TBC1D19: variants seen among roughly 807,000 people sequenced by gnomAD.
The protein encoded by TBC1D19 is TBC1 domain family, member 19.
A neutral mutation model predicts 89.0 loss-of-function variants in TBC1D19; 60 were observed. The observed-to-expected ratio is 0.67, with a 90% CI of 0.55 to 0.84. TBC1D19 has a LOEUF of 0.84. Among genes scored for constraint, TBC1D19 ranks in the 40% least tolerant of loss-of-function variants. TBC1D19 has a pLI of 0.00. For missense variants in TBC1D19, 500 were observed against 610.8 expected (o/e 0.82, Z 1.91); for synonymous variants, 189 against 199.7 (o/e 0.95, Z 0.45).
intron 13 of TBC1D19, among the ~76,000 whole-genome samples, chr4:26,716,911 G>A (rs1179179174): frequency 6.6e-6 from 1 of 151,978 alleles, no homozygotes; most frequent in Non-Finnish European, 1.5e-5. Flanking sequence ...CTCCCAAAGT[G>A]CTGGGATCAT....
chr4:26,809,262 C>G, the TBC1D19 span, among the ~76,000 whole-genome samples: 264 of 152,310 alleles, frequency 1.7e-3, no homozygotes, highest in African/African-American at 6.0e-3. Flanking sequence ...CCTGCAGACG[C>G]TTCTCTCAGG....
chr4:26,724,203 G>T (rs1717153364), intron 15 of TBC1D19, among the ~76,000 whole-genome samples: 1 of 152,216 alleles, frequency 6.6e-6, no homozygotes, highest in South Asian at 2.1e-4. Context: ...GTTAGAAAAG[G>T]TAGATGGAGC....
At chr4:26,680,768 C>A (rs1243837130) in intron 11 of TBC1D19, among the ~76,000 whole-genome samples, 1 of 152,154 alleles carries the variant, frequency 6.6e-6, no homozygotes, top group Non-Finnish European at 1.5e-5. Flanking sequence ...TTGAAATATT[C>A]TTGGTCTTAA....
intron 1 of TBC1D19, among the ~76,000 whole-genome samples, chr4:26,601,497 A>G (rs1278609679): frequency 6.6e-6 from 1 of 152,196 alleles, no homozygotes; most frequent in African/African-American, 2.4e-5. Context: ...ATGGCTAGAG[A>G]TTGGGGAAGT....
At chr4:26,803,868 A>G in the TBC1D19 span, among the ~76,000 whole-genome samples, 2 of 150,280 alleles carry the variant, frequency 1.3e-5, no homozygotes, top group Non-Finnish European at 3.0e-5. Context: ...CCTTCTGAAC[A>G]AGAATCTTTA....
chr4:26,627,167 A>G (rs1418792632), intron 4 of TBC1D19, among the ~76,000 whole-genome samples: 1 of 151,414 alleles, frequency 6.6e-6, no homozygotes, highest in African/African-American at 2.4e-5. Flanking sequence ...GCGATAGTTT[A>G]CTGAGAATGA....
intron 3 of TBC1D19, 95 bp from the exon 4 acceptor site, chr4:26,620,518 A>G (rs1741975107): frequency 1.0e-6 from 1 of 982,390 alleles, no homozygotes; most frequent in Admixed American, 2.3e-5. Context: ...ATGAAATGTT[A>G]CTGGGAAAAC....
At chr4:26,788,164 C>A in the TBC1D19 span, among the ~76,000 whole-genome samples, 24 of 152,154 alleles carry the variant, frequency 1.6e-4, no homozygotes, top group South Asian at 3.9e-3. Flanking sequence ...CTATGGGATC[C>A]CAGGGGCCCT....
the TBC1D19 span, among the ~76,000 whole-genome samples, chr4:26,815,685 G>A: frequency 4.6e-5 from 7 of 152,308 alleles, no homozygotes; most frequent in East Asian, 1.2e-3. Context: ...GACAGGACTC[G>A]TCAGTGCCTT....
chr4:26,847,964 G>C, the TBC1D19 span, among the ~76,000 whole-genome samples: 3 of 152,204 alleles, frequency 2.0e-5, no homozygotes, highest in African/African-American at 7.2e-5. Context: ...ATGTGAATTT[G>C]AGATGCTAAT....
chr4:26,851,698 C>CTGTGAGAA, the TBC1D19 span, among the ~76,000 whole-genome samples: 1 of 152,132 alleles, frequency 6.6e-6, no homozygotes, highest in East Asian at 1.9e-4. Flanking sequence ...GTGTACCTTG[C>CTGTGAGAA]TGTGAGAAGT....
intron 13 of TBC1D19, among the ~76,000 whole-genome samples, chr4:26,716,927 T>C (rs1223369657): frequency 6.6e-6 from 1 of 152,096 alleles, no homozygotes; most frequent in Non-Finnish European, 1.5e-5. Context: ...ATCATAGGCA[T>C]GAGCTACCAT....
rs183662425 is a variant in TBC1D19 at position 26,591,561 on chromosome 4, A to G, written c.99+7269A>G. On this transcript the variant is annotated intron_variant, in intron 1 of 20. Transcript: ENST00000264866. ...AATGAATCCAGGAACTGGTTTTTTG[A>G]AAAGAACAACAAAATTGATAGACCA... 7.1e-4 allele frequency among the ~76,000 whole-genome samples: 108 copies of G among 152,246 alleles called. 1 individual carries two copies. Among genetic ancestry groups the G allele is most frequent in the Non-Finnish European group, 4.1e-4 (28 of 68,020 alleles).
intron 7 of TBC1D19, 109 bp downstream of exon 7, chr4:26,640,296 G>A: frequency 3.6e-6 from 3 of 844,208 alleles, no homozygotes; most frequent in Non-Finnish European, 5.8e-6. Context: ...AAGCCCCAGA[G>A]TCACTGAAGC....
chr4:26,633,384 G>A (rs981040349), intron 4 of TBC1D19, among the ~76,000 whole-genome samples: 1 of 151,696 alleles, frequency 6.6e-6, no homozygotes, highest in Non-Finnish European at 1.5e-5. Flanking sequence ...TGTTCTGCGA[G>A]GTGAAGGGCA....
At chr4:26,822,053 C>G in the TBC1D19 span, among the ~76,000 whole-genome samples, 1 of 152,238 alleles carries the variant, frequency 6.6e-6, no homozygotes, top group Non-Finnish European at 1.5e-5. Context: ...CCCGCTGTTG[C>G]CTGTGCAAAG....
At chr4:26,600,084 C>G (rs1740498622) in intron 1 of TBC1D19, among the ~76,000 whole-genome samples, 1 of 151,658 alleles carries the variant, frequency 6.6e-6, no homozygotes, top group African/African-American at 2.4e-5. Flanking sequence ...TGTGTAATAC[C>G]CCAAATGTTA....
chr4:26,848,251 T>C, the TBC1D19 span, among the ~76,000 whole-genome samples: 1 of 152,218 alleles, frequency 6.6e-6, no homozygotes, highest in African/African-American at 2.4e-5. Context: ...CCTCTCTGCA[T>C]GGCTACTTGA....
chr4:26,662,289 A>G (rs1248153649), intron 8 of TBC1D19, among the ~76,000 whole-genome samples: 1 of 152,224 alleles, frequency 6.6e-6, no homozygotes, highest in Non-Finnish European at 1.5e-5. Context: ...CATTAATGCA[A>G]GAAAACACTT....
Sources: gnomAD v4.1 joint callset for allele counts (sites outside exome capture counted in the v4.1 genomes callset) on GRCh38, gnomAD v4.1.1 for gene constraint, MANE v1.5 for transcripts, NCBI Gene and HGNC (gene_info 2026-07-23, HGNC 2026-07-21) for gene names.